CAP2: variants seen among roughly 807,000 people sequenced by gnomAD.
CAP2 encodes the protein adenylyl cyclase-associated protein 2.
Under a neutral mutation model 57.7 loss-of-function variants are expected in CAP2, and 24 were observed. The observed-to-expected ratio is 0.42, with a 90% confidence interval of 0.30 to 0.58. The LOEUF is 0.58. Among genes scored for constraint, CAP2 ranks in the 20% least tolerant of loss-of-function variants. CAP2 has a pLI of 0.22. For missense variants in CAP2, 501 were observed against 590.3 expected (o/e 0.85, Z 1.57); for synonymous variants, 194 against 207.2 (o/e 0.94, Z 0.55).
At chr6:17,548,516 A>G (rs1763103641) in intron 11 of CAP2, among the ~76,000 whole-genome samples, 3 of 152,208 alleles carry the variant, frequency 2.0e-5, no homozygotes, top group South Asian at 2.1e-4. Context: ...AGAATGCAAG[A>G]GTGATGTTGT....
intron 1 of CAP2, 110 bp from the exon 2 acceptor site, chr6:17,421,445 C>A: frequency 9.7e-7 from 1 of 1,033,982 alleles, no homozygotes; most frequent in South Asian, 1.4e-5. Context: ...AAAATAAAGC[C>A]ATCCCCAGTG....
intron 7 of CAP2, among the ~76,000 whole-genome samples, chr6:17,520,912 G>A (rs771482806): frequency 1.1e-4 from 17 of 152,196 alleles, no homozygotes; most frequent in South Asian, 4.1e-4. Context: ...AATGGGCAGC[G>A]CCTCAGATGA....
intron 4 of CAP2, among the ~76,000 whole-genome samples, chr6:17,466,225 T>G (rs1478656767): frequency 6.6e-6 from 1 of 152,166 alleles, no homozygotes; most frequent in Admixed American, 6.5e-5. Context: ...CCTCCTTCTT[T>G]CAGGAGGAAG....
chr6:17,521,259 A>AC lies in CAP2; in HGVS notation c.636+7305_636+7306insC, dbSNP rs1281613775. On this transcript the variant is annotated intron_variant, in intron 7 of 12. Transcript: ENST00000229922. ...AAAACCCTGTCTCTACTAAAAATACAAAAAAAAAAATTAGCCGCACAAGGT... is the reference window on the plus strand; with the variant it reads ...AAAACCCTGTCTCTACTAAAAATACACAAAAAAAAAATTAGCCGCACAAGGT... 7.5e-5 allele frequency among the ~76,000 whole-genome samples: 5 copies of AC among 66,706 alleles called. No homozygotes were observed. The East Asian group carries it at 2.5e-3, about 33-fold the overall frequency. 43.8% of individuals were successfully genotyped at this position (66,706 alleles called of 152,430 possible).
intron 2 of CAP2, among the ~76,000 whole-genome samples, chr6:17,421,904 A>T (rs906730878): frequency 2.6e-5 from 4 of 152,258 alleles, no homozygotes; most frequent in Non-Finnish European, 4.4e-5. Flanking sequence ...CCTTTTAGAG[A>T]CAGGGTCTCG....
At chr6:17,458,591 C>G (rs984971534) in intron 3 of CAP2, among the ~76,000 whole-genome samples, 2 of 152,066 alleles carry the variant, frequency 1.3e-5, no homozygotes, top group African/African-American at 4.8e-5. Flanking sequence ...AGTCATTTTC[C>G]AGTTAACACA....
At chr6:17,525,319 CA>C in intron 7 of CAP2, among the ~76,000 whole-genome samples, 1 of 152,168 alleles carries the variant, frequency 6.6e-6, no homozygotes, top group South Asian at 2.1e-4. Flanking sequence ...ATCAAGAATT[CA>C]AAGCTCTCTA....
chr6:17,460,778 C>T (rs544421033), intron 3 of CAP2, among the ~76,000 whole-genome samples: 12 of 152,244 alleles, frequency 7.9e-5, no homozygotes, highest in African/African-American at 2.6e-4. Flanking sequence ...TTAAGTCTCT[C>T]TGCATATATT....
chr6:17,500,266 T>C (rs1761771877), intron 4 of CAP2, among the ~76,000 whole-genome samples: 1 of 145,052 alleles, frequency 6.9e-6, no homozygotes, highest in Non-Finnish European at 1.5e-5. Context: ...TGTAAAAAAT[T>C]GCTGCTGACT....
chr6:17,534,969 G>A (rs1375388319), intron 7 of CAP2, among the ~76,000 whole-genome samples: 2 of 152,128 alleles, frequency 1.3e-5, no homozygotes, highest in East Asian at 3.9e-4. Context: ...AACCAGGCAA[G>A]AGGCCAGTTT....
chr6:17,496,027 T>TGGCGGTGG (rs3075209), intron 4 of CAP2, among the ~76,000 whole-genome samples: 12 of 44,334 alleles, frequency 2.7e-4, no homozygotes, highest in Admixed American at 1.1e-3. Context: ...CGTGTGTGGG[T>TGGCGGTGG]GGGGGGGGGG....
chr6:17,438,421 C>T (rs1279962725), intron 3 of CAP2, among the ~76,000 whole-genome samples: 4 of 140,064 alleles, frequency 2.9e-5, no homozygotes, highest in Non-Finnish European at 6.0e-5. Flanking sequence ...GCTTGTTTGA[C>T]CATCCAGAAG....
chr6:17,454,889 A>G (rs1286685130), intron 3 of CAP2, among the ~76,000 whole-genome samples: 1 of 152,232 alleles, frequency 6.6e-6, no homozygotes, highest in Non-Finnish European at 1.5e-5. Context: ...ACACTTGGGC[A>G]GAGAGCTTTA....
intron 3 of CAP2, among the ~76,000 whole-genome samples, chr6:17,458,207 C>T (rs1167043210): frequency 6.6e-6 from 1 of 152,196 alleles, no homozygotes; most frequent in East Asian, 1.9e-4. Context: ...GATTTGAAAG[C>T]CCTCTATTCT....
intron 7 of CAP2, among the ~76,000 whole-genome samples, chr6:17,524,422 T>C (rs958599746): frequency 6.6e-6 from 1 of 152,158 alleles, no homozygotes; most frequent in Admixed American, 6.6e-5. Context: ...AAAGTGGGGC[T>C]TAGCCAGGAG....
At chr6:17,506,794 T>G (rs1213672231) in intron 4 of CAP2, among the ~76,000 whole-genome samples, 2 of 152,178 alleles carry the variant, frequency 1.3e-5, no homozygotes, top group Non-Finnish European at 2.9e-5. Context: ...CTTACCCAAA[T>G]TTATACCAGG....
At chr6:17,550,445 A>G (rs1252707448) in intron 11 of CAP2, among the ~76,000 whole-genome samples, 2 of 105,412 alleles carry the variant, frequency 1.9e-5, no homozygotes, top group Non-Finnish European at 3.4e-5. Flanking sequence ...ATTCCAACTC[A>G]GTGTTCAGTT....
chr6:17,424,269 G>A (rs182993036), intron 2 of CAP2, among the ~76,000 whole-genome samples: 297 of 152,078 alleles, frequency 2.0e-3, no homozygotes, highest in African/African-American at 6.2e-3. Flanking sequence ...GCGTGGTGGC[G>A]GGCGCCTGTA....
intron 3 of CAP2, among the ~76,000 whole-genome samples, chr6:17,444,150 T>C (rs1760177405): frequency 6.6e-6 from 1 of 152,220 alleles, no homozygotes; most frequent in Non-Finnish European, 1.5e-5. Context: ...GTTCCAGAAT[T>C]ATGCTCTTTT....
Sources: allele counts gnomAD v4.1 joint callset (sites outside exome capture counted in the v4.1 genomes callset), GRCh38; gene constraint gnomAD v4.1.1; transcripts MANE v1.5; gene names NCBI Gene and HGNC (gene_info 2026-07-23, HGNC 2026-07-21).